Variants in EXOC6B observed in about 807,000 individuals in gnomAD.
EXOC6B encodes the protein SEC15 homolog B.
A neutral mutation model predicts 113.5 loss-of-function variants in EXOC6B; 54 were observed. That is an observed-to-expected ratio of 0.48 (90% CI 0.38 to 0.60). EXOC6B has a LOEUF of 0.60. EXOC6B is among the 20% of genes least tolerant of loss of function. EXOC6B has a pLI of 0.00. For synonymous variants in EXOC6B, 357 were observed against 339.0 expected (o/e 1.05, Z -0.58); for missense variants, 797 against 977.5 (o/e 0.82, Z 2.46).
At chr2:72,631,406 A>ATGTGTGTGTG (rs201743586) in intron 6 of EXOC6B, among the ~76,000 whole-genome samples, 9 of 102,296 alleles carry the variant, frequency 8.8e-5, no homozygotes, top group African/African-American at 3.1e-4. Flanking sequence ...GTGTGTGTAT[A>ATGTGTGTGTG]TGTGTGTGTG....
At chr2:72,558,355 G>A (rs930777396) in intron 8 of EXOC6B, among the ~76,000 whole-genome samples, 5 of 152,022 alleles carry the variant, frequency 3.3e-5, no homozygotes, top group African/African-American at 7.3e-5. Context: ...GAGAGAAGAG[G>A]AAACTACCTG....
At chr2:72,579,137 A>G (rs1705048810) in intron 6 of EXOC6B, among the ~76,000 whole-genome samples, 1 of 152,188 alleles carries the variant, frequency 6.6e-6, no homozygotes, top group South Asian at 2.1e-4. Flanking sequence ...AGCAAAAGTA[A>G]CAGAATTAAC....
At chr2:72,565,660 A>C (rs975392266) in intron 7 of EXOC6B, among the ~76,000 whole-genome samples, 2 of 152,212 alleles carry the variant, frequency 1.3e-5, no homozygotes, top group Admixed American at 6.5e-5. Context: ...TTTATGAAAA[A>C]GATATACAAC....
chr2:72,425,256 T>C (rs915089916), intron 18 of EXOC6B, among the ~76,000 whole-genome samples: 3 of 152,184 alleles, frequency 2.0e-5, no homozygotes, highest in African/African-American at 7.2e-5. Context: ...AGAAAATACA[T>C]ACAACTGTCA....
intron 20 of EXOC6B, among the ~76,000 whole-genome samples, chr2:72,243,603 G>A (rs1682465905): frequency 6.6e-6 from 1 of 152,120 alleles, no homozygotes; most frequent in Non-Finnish European, 1.5e-5. Context: ...TGGGGTGGGG[G>A]GCACAGGGAG....
At chr2:72,322,580 A>G (rs1687898166) in intron 20 of EXOC6B, among the ~76,000 whole-genome samples, 1 of 152,134 alleles carries the variant, frequency 6.6e-6, no homozygotes, top group Non-Finnish European at 1.5e-5. Flanking sequence ...CTGATTTAAG[A>G]ATTAACAGCC....
chr2:72,504,829 C>A (rs1202911868), intron 11 of EXOC6B, among the ~76,000 whole-genome samples: 2 of 152,072 alleles, frequency 1.3e-5, no homozygotes, highest in African/African-American at 4.8e-5. Context: ...TCATTTGGTT[C>A]TAATTTGCAT....
chr2:72,447,322 T>G (rs1187414752), intron 18 of EXOC6B, among the ~76,000 whole-genome samples: 1 of 152,174 alleles, frequency 6.6e-6, no homozygotes, highest in Non-Finnish European at 1.5e-5. Context: ...GTGCCTCACA[T>G]ATGATAGACA....
chr2:72,622,258 A>G (rs1314283687), intron 6 of EXOC6B, among the ~76,000 whole-genome samples: 12 of 151,052 alleles, frequency 7.9e-5, no homozygotes, highest in Non-Finnish European at 1.8e-4. Context: ...TCTCAGCCCC[A>G]CCCCAGATCA....
chr2:72,816,114 G>A (rs181779666), intron 1 of EXOC6B, among the ~76,000 whole-genome samples: 47 of 152,290 alleles, frequency 3.1e-4, no homozygotes, highest in African/African-American at 1.1e-3. Context: ...AGCAGAGATT[G>A]CGCCACTGCA....
intron 20 of EXOC6B, among the ~76,000 whole-genome samples, chr2:72,323,612 A>C (rs954732790): frequency 1.3e-5 from 2 of 152,170 alleles, no homozygotes; most frequent in Non-Finnish European, 2.9e-5. Context: ...TAGACTGGAT[A>C]AAGAAAATGT....
intron 6 of EXOC6B, among the ~76,000 whole-genome samples, chr2:72,599,288 G>C (rs908013553): frequency 6.6e-6 from 1 of 151,842 alleles, no homozygotes; most frequent in East Asian, 1.9e-4. Flanking sequence ...ACATCCATAG[G>C]TTAAAAAAGA....
intron 5 of EXOC6B, among the ~76,000 whole-genome samples, chr2:72,726,187 A>G (rs1680290029): frequency 6.6e-6 from 1 of 152,178 alleles, no homozygotes; most frequent in South Asian, 2.1e-4. Flanking sequence ...AGGCAAATCT[A>G]TGGGGTCAGA....
intron 20 of EXOC6B, among the ~76,000 whole-genome samples, chr2:72,332,034 CAAG>C (rs1179204347): frequency 6.6e-6 from 1 of 151,944 alleles, no homozygotes; most frequent in African/African-American, 2.4e-5. Context: ...CTCTCTAAAG[CAAG>C]ACACTGTGGA....
At chr2:72,319,399 G>T (rs1287182707) in intron 20 of EXOC6B, among the ~76,000 whole-genome samples, 1 of 152,026 alleles carries the variant, frequency 6.6e-6, no homozygotes, top group Non-Finnish European at 1.5e-5. Context: ...AGTTCCTAGT[G>T]CAATAAGACC....
chr2:72,507,221 T>G (rs1457368231), intron 11 of EXOC6B, among the ~76,000 whole-genome samples: 1 of 152,090 alleles, frequency 6.6e-6, no homozygotes, highest in Non-Finnish European at 1.5e-5. Flanking sequence ...AGATTTGATT[T>G]GATGTTTGGG....
chr2:72,481,235 T>C (rs139449764), intron 16 of EXOC6B, among the ~76,000 whole-genome samples: 3,172 of 152,276 alleles, frequency 0.021, 104 homozygotes, highest in African/African-American at 0.07. Flanking sequence ...AAATTAAACC[T>C]CTTTCCTTTA....
chr2:72,810,171 A>T (rs1685809982), intron 1 of EXOC6B, among the ~76,000 whole-genome samples: 2 of 152,032 alleles, frequency 1.3e-5, no homozygotes, highest in African/African-American at 4.8e-5. Flanking sequence ...CCTAAAGGGA[A>T]ATTTTATGAA....
At chr2:72,732,901 C>G (rs865940985) in intron 3 of EXOC6B, among the ~76,000 whole-genome samples, 170 bp downstream of exon 3, 1 of 152,136 alleles carries the variant, frequency 6.6e-6, no homozygotes, top group Non-Finnish European at 1.5e-5. Flanking sequence ...CCTTAGACTT[C>G]CCAGTGACTA....
Sources: gnomAD v4.1 joint callset for allele counts (sites outside exome capture counted in the v4.1 genomes callset) on GRCh38, gnomAD v4.1.1 for gene constraint, MANE v1.5 for transcripts, NCBI Gene and HGNC (gene_info 2026-07-23, HGNC 2026-07-21) for gene names.